BIRC2: variants seen among roughly 807,000 people sequenced by gnomAD.
BIRC2 encodes baculoviral IAP repeat-containing protein 2.
BIRC2 carries 18 observed loss-of-function variants against 60.9 expected under a neutral mutation model. The ratio of observed to expected loss-of-function variants is 0.30; its 90% CI spans 0.20 to 0.44. BIRC2 has a LOEUF of 0.44. Ranked by LOEUF, BIRC2 falls within the 20% of genes least tolerant of loss-of-function variation. The pLI is 1.00. For missense variants in BIRC2, 701 were observed against 728.5 expected (o/e 0.96, Z 0.43); for synonymous variants, 282 against 247.7 (o/e 1.14, Z -1.30).
rs12294170 is a variant in BIRC2, at chr11:102,360,410, T to C, written c.996-2486T>C. ...CTGCCTTTGAGTTCACAGGTTCTTC[T>C]GCTTGATCAGGTCTGCTATTGATGC... is the stretch of plus-strand genomic sequence containing the variant. On this transcript the variant is annotated intron_variant, in intron 3 of 8. Transcript: ENST00000227758. 6.1e-3 allele frequency among the ~76,000 whole-genome samples: 927 copies of C among 152,096 alleles called. 12 individuals carry two copies. The highest frequency in any genetic ancestry group is 0.021 in the African/African-American group (880 of 41,482).
intron 5 of BIRC2, among the ~76,000 whole-genome samples, chr11:102,364,215 A>AGT (rs1951527095): frequency 1.5e-5 from 2 of 134,400 alleles, no homozygotes; most frequent in Non-Finnish European, 3.2e-5. Flanking sequence ...AGAGAGAGAG[A>AGT]GTGTAATGAC....
At chr11:102,360,309 T>C (rs1384647741) in intron 3 of BIRC2, among the ~76,000 whole-genome samples, 1 of 152,062 alleles carries the variant, frequency 6.6e-6, no homozygotes, top group Non-Finnish European at 1.5e-5. Flanking sequence ...GATGGTGTCC[T>C]ATAATTCAGG....
rs1270423948 is a variant in BIRC2 at position 102,350,345 on chromosome 11, G to A, written c.491G>A (p.Arg164Lys). 34 of 1,614,054 alleles carry A rather than the reference G, an allele frequency of 2.1e-5. No homozygotes were observed. The highest frequency in any genetic ancestry group is 2.9e-5 in the Non-Finnish European group (34 of 1,180,032). The change falls in exon 2 of 9, where the codon AGA (arginine) becomes AAA (lysine). Residue 164 changes from arginine (R) to lysine (K), a missense_variant. By Grantham distance (26) the Arg-to-Lys change is conservative (BLOSUM62 2). Around this residue, in one of 4 missense-constraint regions of BIRC2, gnomAD observed 375 missense variants for 365.9 expected, o/e 1.02. Coordinates refer to ENST00000227758, the MANE Select transcript of BIRC2 (RefSeq NM_001166.5). ...CTTTCTCCAAACCCTCTTAATTCTAGAGCAGTTGAAGACATCTCTTCATCG... is the reference window on the plus strand; with the variant it reads ...CTTTCTCCAAACCCTCTTAATTCTAAAGCAGTTGAAGACATCTCTTCATCG... ...SSLSPNPLNS[R>K]AVEDISSSRT... is the part of the protein sequence containing the mutation.
chr11:102,367,927 C>G (rs1951572429), intron 5 of BIRC2, among the ~76,000 whole-genome samples: 1 of 152,216 alleles, frequency 6.6e-6, no homozygotes, highest in African/African-American at 2.4e-5. Flanking sequence ...CCCCCACTTT[C>G]CTGGCTGGAG....
chr11:102,363,082 C>A, intron 4 of BIRC2, 108 bp downstream of exon 4: 1 of 775,786 alleles, frequency 1.3e-6, no homozygotes, highest in Non-Finnish European at 2.1e-6. Context: ...AAAGTCATGG[C>A]CAAAACCGTG....
intron 5 of BIRC2, among the ~76,000 whole-genome samples, chr11:102,366,630 A>G (rs998930306): frequency 3.4e-4 from 51 of 151,922 alleles, no homozygotes; most frequent in African/African-American, 1.1e-3. Context: ...TTGGCTCCCA[A>G]AGTGCTGGGA....
chr11:102,361,470 C>CT (rs201090262), intron 3 of BIRC2, among the ~76,000 whole-genome samples: 2,158 of 152,188 alleles, frequency 0.014, 57 homozygotes, highest in African/African-American at 0.048. Flanking sequence ...GCAAGAGCTG[C>CT]TTTTTTTCAG....
At position 102,350,620 on chromosome 11, in the gene BIRC2, A is replaced by G. The variant is rs756996055; in HGVS notation, c.766A>G (p.Thr256Ala). ...TCCATTTTTGGAAAATTCTCTAGAA[A>G]CTCTGAGGTTTAGCATTTCAAATCT... ...NCPFLENSLE[T>A]LRFSISNLSM... Residue 256 changes from threonine to alanine, a missense_variant, in exon 2 of 9, where the codon ACT becomes GCT. Thr to Ala is a moderately conservative substitution (Grantham distance 58). Around this residue, in one of 4 missense-constraint regions of BIRC2, gnomAD observed 375 missense variants for 365.9 expected, o/e 1.02. Transcript: ENST00000227758. The G allele has an allele frequency of 8.7e-6, 14 of 1,614,066 alleles. No homozygotes were observed. The highest frequency in any genetic ancestry group is 1.1e-5 in the Non-Finnish European group (13 of 1,180,032).
chr11:102,351,328 A>G (rs1389419486), intron 3 of BIRC2, among the ~76,000 whole-genome samples: 1 of 152,200 alleles, frequency 6.6e-6, no homozygotes, highest in Admixed American at 6.5e-5. Context: ...TTAAGAGCAT[A>G]TCTTAGATGG....
At chr11:102,353,287 T>G (rs1389265041) in intron 3 of BIRC2, among the ~76,000 whole-genome samples, 3 of 152,230 alleles carry the variant, frequency 2.0e-5, no homozygotes, top group Non-Finnish European at 4.4e-5. Flanking sequence ...AGGGGCGTGT[T>G]TTGTAAATGC....
intron 6 of BIRC2, among the ~76,000 whole-genome samples, chr11:102,375,000 T>A (rs1185253687): frequency 2.0e-5 from 3 of 152,252 alleles, no homozygotes; most frequent in African/African-American, 4.8e-5. Flanking sequence ...TTCCCAAGTG[T>A]GGCAATGCCT....
intron 1 of BIRC2, among the ~76,000 whole-genome samples, chr11:102,348,022 C>T (rs1380486580): frequency 6.6e-6 from 1 of 152,182 alleles, no homozygotes; most frequent in Non-Finnish European, 1.5e-5. Flanking sequence ...GCCGGAGCCA[C>T]TGTTTCACAG....
In BIRC2 at chr11:102,350,504, G is replaced by A. The variant is rs1158008768; in HGVS notation, c.650G>A (p.Arg217Lys). The A allele has an allele frequency of 1.9e-6, 3 of 1,614,194 alleles. No individual in the cohort carries two copies. Among genetic ancestry groups the A allele is most frequent in the Non-Finnish European group, 2.5e-6 (3 of 1,180,038 alleles). The change falls in exon 2 of 9, where the codon AGG (arginine) becomes AAG (lysine). Residue 217 changes from arginine (R) to lysine (K), a missense_variant. By Grantham distance (26) the Arg-to-Lys change is conservative. Transcript: ENST00000227758. ...AGFYYIGPGD[R>K]VACFACGGKL... is the part of the protein sequence containing the mutation. ...TTTTATTATATAGGACCTGGAGATA[G>A]GGTAGCCTGCTTTGCCTGTGGTGGG...
Position 102,348,948 on chromosome 11 carries a change from G to T in BIRC2, c.-907G>T. On this transcript the variant is annotated 5_prime_UTR_variant, in exon 2 of 9. Transcript: ENST00000227758. The stretch of plus-strand genomic sequence containing the variant: ...CCTTAAATGATGAACAGGTTATTTA[G>T]TTTTTAAATGCAGTGTAAAAAGTGT... 6.3e-6 allele frequency: 1 copy of T among 158,748 alleles called. No homozygotes were observed. The highest frequency in any genetic ancestry group is 1.4e-5 in the Non-Finnish European group (1 of 71,750). 9.8% of individuals were successfully genotyped at this position (158,748 alleles called of 1,614,324 possible).
In BIRC2 at chr11:102,350,266, T is replaced by A. The variant is rs1951341917; in HGVS notation, c.412T>A (p.Ser138Thr). 1 of 1,614,128 alleles carries A rather than the reference T, an allele frequency of 6.2e-7. No homozygotes were observed. Among genetic ancestry groups the A allele is most frequent in the African/African-American group, 1.3e-5 (1 of 74,944 alleles). Residue 138 changes from serine to threonine, a missense_variant, in exon 2 of 9, where the codon TCA becomes ACA. By Grantham distance (58) the Ser-to-Thr change is moderately conservative (BLOSUM62 1). This residue lies in a region of BIRC2 where 375 missense variants were observed against 365.9 expected (regional missense o/e 1.02). Coordinates refer to ENST00000227758, the MANE Select transcript of BIRC2 (RefSeq NM_001166.5). The part of the protein sequence containing the change: ...TSPMRNSFAH[S>T]LSPTLEHSSL... ...TCCAATGAGAAACAGTTTTGCACAT[T>A]CATTATCTCCCACCTTGGAACATAG...
In BIRC2 at chr11:102,363,658, T is replaced by G. The variant is rs769927348; in HGVS notation, c.1075-10T>G. 39 of 1,610,500 alleles carry G rather than the reference T, an allele frequency of 2.4e-5. 1 individual carries two copies. In the South Asian group the frequency reaches 4.0e-4, roughly 16 times the overall value. On this transcript the variant is annotated splice_polypyrimidine_tract_variant and intron_variant, in intron 4 of 8. Transcript: ENST00000227758. Reference sequence around the variant, plus strand: ...TGCTTTTACCTATTAACTTTTCTCTTGTTTCATAGCTGTTGTCAACTTCAG... The same window carrying G: ...TGCTTTTACCTATTAACTTTTCTCTGGTTTCATAGCTGTTGTCAACTTCAG...
intron 3 of BIRC2, among the ~76,000 whole-genome samples, chr11:102,359,835 T>C (rs1287209633): frequency 1.3e-5 from 2 of 152,188 alleles, no homozygotes; most frequent in Non-Finnish European, 2.9e-5. Flanking sequence ...GTTGAATCTT[T>C]ATGGGGTCCT....
chr11:102,374,345 C>T (rs1351188108), intron 6 of BIRC2, among the ~76,000 whole-genome samples: 134 of 149,588 alleles, frequency 9.0e-4, no homozygotes, highest in Non-Finnish European at 1.1e-3. Context: ...GATGGGTTTT[C>T]GGTGTGGATG....
intron 6 of BIRC2, among the ~76,000 whole-genome samples, chr11:102,372,495 C>T (rs1951645481): frequency 6.6e-6 from 1 of 152,064 alleles, no homozygotes; most frequent in Non-Finnish European, 1.5e-5. Context: ...GTTTCTTAAT[C>T]CTGAGTTCTA....
Sources: gnomAD v4.1 joint callset for allele counts (sites outside exome capture counted in the v4.1 genomes callset) on GRCh38, gnomAD v4.1.1 for gene constraint, gnomAD v4.1.1 regional missense constraint, MANE v1.5 for transcripts, NCBI Gene and HGNC (gene_info 2026-07-23, HGNC 2026-07-21) for gene names.